The following CAMTA1 variants were observed in gnomAD, a reference collection of about 807,000 sequenced individuals.
CAMTA1 encodes the protein calmodulin-binding transcription activator 1.
In CAMTA1, 27 loss-of-function variants were observed where a neutral mutation model predicts 170.9. The observed-to-expected ratio is 0.16, with a 90% CI of 0.12 to 0.22. The LOEUF (loss-of-function observed/expected upper bound fraction) is 0.22, where lower values mean the gene tolerates loss of function less well. CAMTA1 is among the 10% of genes least tolerant of loss of function. The probability of loss-of-function intolerance (pLI) is 1.00; values close to 1 mark genes in which losing one functional copy is unlikely to be tolerated. For missense variants in CAMTA1, 1,619 were observed against 2,217.2 expected (o/e 0.73, Z 5.42); for synonymous variants, 833 against 891.5 (o/e 0.93, Z 1.17).
chr1:7,481,441 C>G (rs930054030), intron 6 of CAMTA1, among the ~76,000 whole-genome samples: 9 of 152,178 alleles, frequency 5.9e-5, no homozygotes, highest in Admixed American at 2.0e-4. Context: ...TGCCCTGGAC[C>G]TTCCATGGTT....
At chr1:6,866,940 G>A (rs986989445) in intron 3 of CAMTA1, among the ~76,000 whole-genome samples, 2 of 152,192 alleles carry the variant, frequency 1.3e-5, no homozygotes, top group Non-Finnish European at 2.9e-5. Flanking sequence ...GGCGGCTCCC[G>A]TGTGCTTCTC....
chr1:7,210,979 A>C (rs1029247309), intron 4 of CAMTA1, among the ~76,000 whole-genome samples: 14 of 152,258 alleles, frequency 9.2e-5, no homozygotes, highest in Non-Finnish European at 1.8e-4. Flanking sequence ...ATTTTTCCAC[A>C]ACATTTTATT....
rs1166767901 is a variant in CAMTA1 at position 7,547,358 on chromosome 1, A to G, written c.510+79457A>G. ...ATATATGTATCATATGCACACACAC[A>G]CACACACACACACACACACACACAC... On this transcript the variant is annotated intron_variant, in intron 6 of 22. Coordinates refer to ENST00000303635, the MANE Select transcript of CAMTA1 (RefSeq NM_015215.4). The surrounding 1 kb of genome is among the most constrained non-coding windows in gnomAD (Gnocchi z 5.7). Among the ~76,000 whole-genome samples, 2 of 143,438 alleles carry G rather than the reference A, an allele frequency of 1.4e-5. No individual in the cohort carries two copies. Among genetic ancestry groups the G allele is most frequent in the Non-Finnish European group, 3.1e-5 (2 of 64,898 alleles). The allele number at this position is 143,438 out of a possible 152,430, so 94.1% of individuals were successfully genotyped here. A position where few individuals can be genotyped will look rare whatever the true frequency, so the allele number is the denominator to read the frequency against.
chr1:7,346,466 A>G (rs1416984843), intron 5 of CAMTA1, among the ~76,000 whole-genome samples: 1 of 152,166 alleles, frequency 6.6e-6, no homozygotes, highest in African/African-American at 2.4e-5. Flanking sequence ...CTAAAATGTA[A>G]ACAGCTGAGA....
chr1:7,732,542 C>T lies in CAMTA1; in HGVS notation c.3009C>T (p.Ser1003=), dbSNP rs1431634664. 14 of 1,613,222 alleles carry T rather than the reference C, an allele frequency of 8.7e-6. No individual in the cohort carries two copies. Among genetic ancestry groups the T allele is most frequent in the Non-Finnish European group, 1.2e-5 (14 of 1,179,896 alleles). The change falls in exon 12 of 23, where the codon AGC becomes AGT. Residue 1003 remains serine, a synonymous_variant. Transcript: ENST00000303635. The surrounding 1 kb of genome is among the most constrained non-coding windows in gnomAD (Gnocchi z 4.1). ...MTGSQQHKQA[S]GGGSSGGGSG... ...GGTCCCAGCAGCACAAACAGGCGAG[C>T]GGAGGCGGCAGCAGTGGAGGCGGCA...
chr1:6,907,429 G>A (rs1415707988), intron 3 of CAMTA1, among the ~76,000 whole-genome samples: 1 of 152,214 alleles, frequency 6.6e-6, no homozygotes, highest in Non-Finnish European at 1.5e-5. Context: ...AGGTTTTCAA[G>A]TGTGAGTGGG....
chr1:7,606,783 G>A (rs541151435), intron 6 of CAMTA1, among the ~76,000 whole-genome samples: 7 of 152,294 alleles, frequency 4.6e-5, no homozygotes, highest in South Asian at 4.1e-4. Context: ...AGAGGACAGC[G>A]CCAGCCCAGG....
chr1:7,466,899 C>T (rs573949158), intron 5 of CAMTA1, among the ~76,000 whole-genome samples: 1 of 152,316 alleles, frequency 6.6e-6, no homozygotes, highest in South Asian at 2.1e-4. Context: ...CCCCTCCCTC[C>T]CACTCAGACC....
chr1:7,230,445 G>T (rs12723358), intron 4 of CAMTA1, among the ~76,000 whole-genome samples: 1 of 47,926 alleles, frequency 2.1e-5, no homozygotes, highest in Non-Finnish European at 3.7e-5. Flanking sequence ...CCCCCCCCCC[G>T]CCCCGCAAAG....
chr1:7,486,126 A>G (rs1339032081), intron 6 of CAMTA1, among the ~76,000 whole-genome samples: 2 of 152,238 alleles, frequency 1.3e-5, no homozygotes, highest in African/African-American at 2.4e-5. Context: ...CTGCTCCTCA[A>G]TTCGGTGTGA....
At chr1:7,706,043 A>G (rs2096521446) in intron 11 of CAMTA1, among the ~76,000 whole-genome samples, 1 of 152,248 alleles carries the variant, frequency 6.6e-6, no homozygotes, top group Non-Finnish European at 1.5e-5. Flanking sequence ...TACTGCAGAC[A>G]TCAAAAGCAT....
At chr1:7,254,216 T>C (rs1667030737) in intron 5 of CAMTA1, among the ~76,000 whole-genome samples, 1 of 152,180 alleles carries the variant, frequency 6.6e-6, no homozygotes, top group Non-Finnish European at 1.5e-5. Context: ...GGGTCAGTAT[T>C]TCCCCCAGGC....
chr1:7,665,072 C>T lies in CAMTA1; in HGVS notation c.2525C>T (p.Thr842Ile). The part of the protein sequence containing the change: ...QLSSSEGGAS[T>I]MAYMHVAEVV... ...AGCAGCTCGGAGGGCGGGGCCAGCA[C>T]CATGGCCTACATGCACGTCGCCGAG... Residue 842 changes from threonine (T) to isoleucine (I), a missense_variant, in exon 9 of 23, where the codon ACC becomes ATC. This residue lies in a region of CAMTA1 where 731 missense variants were observed against 907.6 expected (regional missense o/e 0.81). Coordinates refer to ENST00000303635, the MANE Select transcript of CAMTA1 (RefSeq NM_015215.4). This position sits in a 1 kb window ranked among gnomAD's most constrained non-coding sequence, Gnocchi z 4.3. The T allele has an allele frequency of 6.4e-7, 1 of 1,561,850 alleles. No individual in the cohort carries two copies. Among genetic ancestry groups the T allele is most frequent in the Non-Finnish European group, 8.7e-7 (1 of 1,153,876 alleles).
Position 7,664,748 on chromosome 1 carries a change from C to A in CAMTA1, c.2201C>A (p.Pro734His). The change falls in exon 9 of 23, where the codon CCC becomes CAC. Residue 734 changes from proline (P) to histidine (H), a missense_variant. Transcript: ENST00000303635. ...GTAATCCGAAGCGCCGGCGGCGTCC[C>A]CATCCTCCCGGGCAACGTGGTGCAG... is the stretch of plus-strand genomic sequence containing the variant. ...NGVIRSAGGV[P>H]ILPGNVVQGL... The A allele has an allele frequency of 6.2e-7, 1 of 1,608,634 alleles. No homozygotes were observed. The highest frequency in any genetic ancestry group is 8.5e-7 in the Non-Finnish European group (1 of 1,176,552).
At chr1:7,416,234 T>C (rs1434686471) in intron 5 of CAMTA1, among the ~76,000 whole-genome samples, 1 of 152,106 alleles carries the variant, frequency 6.6e-6, no homozygotes, top group Non-Finnish European at 1.5e-5. Flanking sequence ...GACAATTATG[T>C]GTCTTGGAGT....
At chr1:7,255,068 A>G (rs1667163734) in intron 5 of CAMTA1, among the ~76,000 whole-genome samples, 1 of 152,184 alleles carries the variant, frequency 6.6e-6, no homozygotes, top group Non-Finnish European at 1.5e-5. Flanking sequence ...GTTCTCACTC[A>G]TAAGTGGGAG....
chr1:7,442,040 C>G (rs1029339946), intron 5 of CAMTA1, among the ~76,000 whole-genome samples: 2 of 152,152 alleles, frequency 1.3e-5, no homozygotes, highest in Non-Finnish European at 2.9e-5. Flanking sequence ...CCAGGACTTC[C>G]CCAGCGCTGT....
chr1:7,368,224 G>A (rs2086159727), intron 5 of CAMTA1, among the ~76,000 whole-genome samples: 1 of 149,462 alleles, frequency 6.7e-6, no homozygotes, highest in Non-Finnish European at 1.5e-5. Context: ...TTCATTGGGT[G>A]CAGGCACTGG....
At chr1:6,859,116 A>C (rs910455564) in intron 3 of CAMTA1, among the ~76,000 whole-genome samples, 2 of 152,234 alleles carry the variant, frequency 1.3e-5, no homozygotes, top group African/African-American at 4.8e-5. Context: ...TTATCCTAAA[A>C]TTGTACATCC....
Sources: gnomAD v4.1 joint callset for allele counts (sites outside exome capture counted in the v4.1 genomes callset) on GRCh38, gnomAD v4.1.1 for gene constraint, gnomAD v4.1.1 regional missense constraint, Gnocchi (gnomAD v3.1) non-coding constraint, MANE v1.5 for transcripts, NCBI Gene and HGNC (gene_info 2026-07-23, HGNC 2026-07-21) for gene names.